Variants in NOX4 observed in about 807,000 individuals in gnomAD.
The protein encoded by NOX4 is kidney oxidase-1.
NOX4 carries 69 observed loss-of-function variants against 87.6 expected under a neutral mutation model. The observed-to-expected ratio is 0.79, with a 90% CI of 0.65 to 0.96. The LOEUF (loss-of-function observed/expected upper bound fraction) is 0.96, where lower values mean the gene tolerates loss of function less well. NOX4 is among the 40% of genes least tolerant of loss of function. The pLI is 0.00. For synonymous variants in NOX4, 275 were observed against 238.2 expected (o/e 1.15, Z -1.42); for missense variants, 680 against 681.5 (o/e 1.00, Z 0.02).
At chr11:89,547,838 A>T in the NOX4 span, among the ~76,000 whole-genome samples, 2 of 152,078 alleles carry the variant, frequency 1.3e-5, no homozygotes, top group Non-Finnish European at 2.9e-5. Context: ...GGGAACGTAT[A>T]GCTATATCAT....
the NOX4 span, among the ~76,000 whole-genome samples, chr11:89,518,413 C>A: frequency 2.0e-5 from 3 of 151,304 alleles, no homozygotes; most frequent in African/African-American, 7.3e-5. Context: ...TAAAAAAAAA[C>A]AATAAAATCA....
chr11:89,499,489 G>A (rs928340249), upstream of NOX4, among the ~76,000 whole-genome samples: 1 of 152,156 alleles, frequency 6.6e-6, no homozygotes, highest in Non-Finnish European at 1.5e-5. Context: ...TCAGGAATAA[G>A]AGAAATAAAT....
At chr11:89,450,983 T>C (rs1205703384) in intron 3 of NOX4, among the ~76,000 whole-genome samples, 1 of 147,674 alleles carries the variant, frequency 6.8e-6, no homozygotes, top group Non-Finnish European at 1.5e-5. Flanking sequence ...AAACACCACA[T>C]GTCCTCACTC....
chr11:89,395,376 T>C (rs1320817297), intron 11 of NOX4, among the ~76,000 whole-genome samples: 1 of 152,242 alleles, frequency 6.6e-6, no homozygotes, highest in East Asian at 1.9e-4. Flanking sequence ...TAAATGTGTC[T>C]AAGTTCTTTG....
chr11:89,371,293 G>A (rs886953606), intron 12 of NOX4, among the ~76,000 whole-genome samples: 1 of 151,850 alleles, frequency 6.6e-6, no homozygotes, highest in Admixed American at 6.6e-5. Context: ...AACAAAGAAG[G>A]TCTATTAATT....
intron 8 of NOX4, among the ~76,000 whole-genome samples, chr11:89,411,224 A>G (rs1942462223): frequency 6.6e-6 from 1 of 152,162 alleles, no homozygotes; most frequent in South Asian, 2.1e-4. Flanking sequence ...CAGCAGTGGT[A>G]CCCACGCAGT....
chr11:89,452,401 C>G (rs1328193125), intron 2 of NOX4, among the ~76,000 whole-genome samples: 3 of 152,148 alleles, frequency 2.0e-5, no homozygotes, highest in African/African-American at 7.2e-5. Flanking sequence ...ACTAACTCTA[C>G]TCATCTTTCT....
At chr11:89,560,373 A>C in the NOX4 span, among the ~76,000 whole-genome samples, 1 of 152,128 alleles carries the variant, frequency 6.6e-6, no homozygotes, top group Non-Finnish European at 1.5e-5. Context: ...TTTAGCCCCC[A>C]GAACTGTGAA....
chr11:89,375,756 T>G (rs1428140655), intron 11 of NOX4, among the ~76,000 whole-genome samples: 1 of 152,216 alleles, frequency 6.6e-6, no homozygotes, highest in African/African-American at 2.4e-5. Context: ...GTTGTAGCTC[T>G]CAGAACGCAA....
intron 7 of NOX4, among the ~76,000 whole-genome samples, chr11:89,429,157 A>G (rs917673932): frequency 6.6e-6 from 1 of 152,144 alleles, no homozygotes; most frequent in Non-Finnish European, 1.5e-5. Context: ...TTCTTTGAAA[A>G]CAATGAGAAA....
At chr11:89,333,368 A>C (rs2135368697) in intron 17 of NOX4, among the ~76,000 whole-genome samples, 1 of 151,872 alleles carries the variant, frequency 6.6e-6, no homozygotes, top group Non-Finnish European at 1.5e-5. Flanking sequence ...TTTGATTTTA[A>C]ATATATATCA....
intron 8 of NOX4, among the ~76,000 whole-genome samples, chr11:89,418,954 C>G (rs977759751): frequency 1.3e-5 from 2 of 152,042 alleles, no homozygotes; most frequent in Non-Finnish European, 2.9e-5. Flanking sequence ...ATCACCTCAT[C>G]TTTGAAGCCT....
intron 2 of NOX4, among the ~76,000 whole-genome samples, chr11:89,489,727 C>CAAAAAAAAA (rs35606793): frequency 8.4e-6 from 1 of 118,488 alleles, no homozygotes; most frequent in African/African-American, 3.0e-5. Context: ...GACTCTGTCT[C>CAAAAAAAAA]AAAAAAAAAA....
chr11:89,342,794 C>T (rs567743868), intron 13 of NOX4, among the ~76,000 whole-genome samples: 1 of 152,190 alleles, frequency 6.6e-6, no homozygotes, highest in South Asian at 2.1e-4. Context: ...AATTACTCTG[C>T]TCATGTTTAT....
intron 11 of NOX4, among the ~76,000 whole-genome samples, chr11:89,377,427 G>C (rs1013074813): frequency 2.6e-5 from 4 of 152,092 alleles, no homozygotes; most frequent in Admixed American, 6.6e-5. Flanking sequence ...CAATCTGACT[G>C]TAACAACAGA....
At chr11:89,341,245 C>G (rs1455298593) in intron 14 of NOX4, among the ~76,000 whole-genome samples, 1 of 149,908 alleles carries the variant, frequency 6.7e-6, no homozygotes, top group Non-Finnish European at 1.5e-5. Flanking sequence ...GCCTCAGCCT[C>G]TGGAGTAGCT....
the NOX4 span, among the ~76,000 whole-genome samples, chr11:89,513,137 A>G: frequency 6.6e-6 from 1 of 152,006 alleles, no homozygotes; most frequent in Non-Finnish European, 1.5e-5. Context: ...CCTGACCAAC[A>G]TGGTGAAACC....
chr11:89,376,421 C>A (rs1468612443), intron 11 of NOX4, among the ~76,000 whole-genome samples: 5 of 152,176 alleles, frequency 3.3e-5, no homozygotes, highest in Admixed American at 2.6e-4. Flanking sequence ...ATTGTTTTCT[C>A]ACTGTCTTTT....
At chr11:89,356,769 A>G (rs1466475137) in intron 12 of NOX4, among the ~76,000 whole-genome samples, 1 of 152,170 alleles carries the variant, frequency 6.6e-6, no homozygotes, top group Non-Finnish European at 1.5e-5. Context: ...GATACAGAAC[A>G]TTATCTGATA....
Sources: gnomAD v4.1 joint callset for allele counts (sites outside exome capture counted in the v4.1 genomes callset) on GRCh38, gnomAD v4.1.1 for gene constraint, MANE v1.5 for transcripts, NCBI Gene and HGNC (gene_info 2026-07-23, HGNC 2026-07-21) for gene names.